The following SLC1A2 variants were observed in gnomAD, a reference collection of about 807,000 sequenced individuals.
SLC1A2 encodes solute carrier family 1 member 2.
SLC1A2 carries 15 observed loss-of-function variants against 48.8 expected under a neutral mutation model. The observed-to-expected ratio is 0.31, with a 90% confidence interval of 0.21 to 0.47. The LOEUF (loss-of-function observed/expected upper bound fraction) is 0.47, where lower values mean the gene tolerates loss of function less well. Among genes scored for constraint, SLC1A2 ranks in the 20% least tolerant of loss-of-function variants. The pLI is 0.99. For missense variants in SLC1A2, 502 were observed against 730.5 expected (o/e 0.69, Z 3.61); for synonymous variants, 279 against 272.6 (o/e 1.02, Z -0.23).
At chr11:35,360,444 G>T (rs1455465133) in intron 1 of SLC1A2, among the ~76,000 whole-genome samples, 1 of 152,108 alleles carries the variant, frequency 6.6e-6, no homozygotes, top group Non-Finnish European at 1.5e-5. Flanking sequence ...CCTTCCCTGG[G>T]TGCCTACCTT....
At chr11:35,407,402 C>A (rs969116430) in intron 1 of SLC1A2, among the ~76,000 whole-genome samples, 1 of 152,130 alleles carries the variant, frequency 6.6e-6, no homozygotes, top group Non-Finnish European at 1.5e-5. Context: ...TAATTCAAGA[C>A]CTCCTCTTCA....
chr11:35,292,885 G>A (rs1851057096), intron 6 of SLC1A2, among the ~76,000 whole-genome samples: 1 of 152,066 alleles, frequency 6.6e-6, no homozygotes, highest in Non-Finnish European at 1.5e-5. Flanking sequence ...TTCCTTCCTA[G>A]AAATTTGGGA....
At chr11:35,326,727 T>C (rs975340229) in intron 1 of SLC1A2, among the ~76,000 whole-genome samples, 36 of 152,332 alleles carry the variant, frequency 2.4e-4, no homozygotes, top group East Asian at 5.8e-4. Flanking sequence ...ACAATTCTTT[T>C]GTGAGATGAT....
chr11:35,406,507 G>A (rs906669533), intron 1 of SLC1A2, among the ~76,000 whole-genome samples: 1 of 152,084 alleles, frequency 6.6e-6, no homozygotes, highest in African/African-American at 2.4e-5. Context: ...ATCAGAGGGT[G>A]CCAGTCATCT....
In SLC1A2 at chr11:35,255,531, G is replaced by C. The variant is rs565765394; in HGVS notation, c.*5363C>G. 6.6e-6 allele frequency: 1 copy of C among 152,268 alleles called. No homozygotes were observed. The highest frequency in any genetic ancestry group is 2.4e-5 in the African/African-American group (1 of 41,464). 9.4% of individuals were successfully genotyped at this position (152,268 alleles called of 1,614,324 possible). The stretch of plus-strand genomic sequence containing the variant: ...ATTTACAAACAGTTGCCGTGATTGT[G>C]CAAGTGTTGTACCAAATTTCAAAAG... On this transcript the variant is annotated 3_prime_UTR_variant, in exon 11 of 11. Coordinates refer to ENST00000278379, the MANE Select transcript of SLC1A2 (RefSeq NM_004171.4).
intron 1 of SLC1A2, among the ~76,000 whole-genome samples, chr11:35,350,639 C>T (rs1402252563): frequency 6.6e-6 from 1 of 152,212 alleles, no homozygotes; most frequent in Non-Finnish European, 1.5e-5. Context: ...AAAGACACAG[C>T]AAGATAAGAT....
chr11:35,273,473 T>C (rs1402806936), intron 9 of SLC1A2, among the ~76,000 whole-genome samples: 1 of 152,236 alleles, frequency 6.6e-6, no homozygotes, highest in Non-Finnish European at 1.5e-5. Flanking sequence ...GTTGAGAAGA[T>C]AATAACTGCT....
chr11:35,320,945 C>T (rs1415128724), intron 1 of SLC1A2, among the ~76,000 whole-genome samples: 1 of 152,160 alleles, frequency 6.6e-6, no homozygotes, highest in Non-Finnish European at 1.5e-5. Flanking sequence ...AGTCCATTCT[C>T]ACTCTGCTAA....
intron 4 of SLC1A2, among the ~76,000 whole-genome samples, chr11:35,309,957 G>A (rs1851636242): frequency 6.6e-6 from 1 of 152,172 alleles, no homozygotes; most frequent in African/African-American, 2.4e-5. Context: ...TTGGGGTCAG[G>A]GCTGGCGTGG....
chr11:35,286,745 C>T lies in SLC1A2; in HGVS notation c.1286+12G>A, dbSNP rs1393645970. 1.2e-5 allele frequency: 20 copies of T among 1,602,172 alleles called. No individual in the cohort carries two copies. Among genetic ancestry groups the T allele is most frequent in the Admixed American group, 6.7e-5 (4 of 59,322 alleles). On this transcript the variant is annotated intron_variant, in intron 8 of 10. Coordinates refer to ENST00000278379, the MANE Select transcript of SLC1A2 (RefSeq NM_004171.4). The stretch of plus-strand genomic sequence containing the variant: ...GTAGAGGTTGTTTTGTGTTTTACCC[C>T]ACCCTTCTCACCTTACAGTCACAAT...
intron 1 of SLC1A2, chr11:35,322,846 TCCTTGAAGAATGCCAC>T (rs1852117858): frequency 3.0e-6 from 2 of 668,840 alleles, no homozygotes; most frequent in African/African-American, 3.6e-5. Context: ...TTCCCCCAGC[TCCTTGAAGAATGCCAC>T]CCCTGCTTTA....
chr11:35,411,019 T>C (rs957575629), intron 1 of SLC1A2, among the ~76,000 whole-genome samples: 2 of 152,198 alleles, frequency 1.3e-5, no homozygotes, highest in African/African-American at 4.8e-5. Context: ...CTCAGACTAA[T>C]AGATAATGAG....
At chr11:35,269,143 T>C (rs1344137042) in intron 9 of SLC1A2, among the ~76,000 whole-genome samples, 1 of 152,190 alleles carries the variant, frequency 6.6e-6, no homozygotes, top group Non-Finnish European at 1.5e-5. Context: ...AGAGACTCCT[T>C]GGCCCTTCTA....
chr11:35,314,826 TAGAC>T (rs1851821025), intron 3 of SLC1A2, among the ~76,000 whole-genome samples, 193 bp downstream of exon 3: 1 of 146,938 alleles, frequency 6.8e-6, no homozygotes, highest in Non-Finnish European at 1.5e-5. Context: ...GAAAGACAAA[TAGAC>T]TGACTAATCG....
intron 3 of SLC1A2, 79 bp from the exon 4 acceptor site, chr11:35,312,527 A>T: frequency 6.8e-7 from 1 of 1,462,394 alleles, no homozygotes; most frequent in South Asian, 1.2e-5. Flanking sequence ...CTATGACGTT[A>T]GCTTCATATT....
rs117561151 is a variant in SLC1A2, at chr11:35,326,711, C to T, written c.18-9195G>A. ...GATTTACCATGGCAGGCATTCAAAA[C>T]GCCACACAATTCTTTTGTGAGATGA... On this transcript the variant is annotated intron_variant, in intron 1 of 10. Coordinates refer to ENST00000278379, the MANE Select transcript of SLC1A2 (RefSeq NM_004171.4). Among the ~76,000 whole-genome samples, 191 of 152,302 alleles carry T rather than the reference C, an allele frequency of 1.3e-3. 2 individuals carry two copies. The highest frequency in any genetic ancestry group is 2.0e-3 in the Non-Finnish European group (136 of 68,036).
chr11:35,380,691 G>A (rs1854393193), intron 1 of SLC1A2: 3 of 299,502 alleles, frequency 1.0e-5, no homozygotes, highest in African/African-American at 6.5e-5. Context: ...GGCTGCGTGA[G>A]TTGCTGATTC....
chr11:35,364,176 T>C (rs1037684014), intron 1 of SLC1A2, among the ~76,000 whole-genome samples: 2 of 152,152 alleles, frequency 1.3e-5, no homozygotes, highest in Non-Finnish European at 2.9e-5. Flanking sequence ...GTCCAGGAGC[T>C]GGCAAGCAGC....
At chr11:35,366,974 C>G (rs1853871583) in intron 1 of SLC1A2, among the ~76,000 whole-genome samples, 1 of 152,182 alleles carries the variant, frequency 6.6e-6, no homozygotes, top group African/African-American at 2.4e-5. Context: ...GAAGCAGAAC[C>G]TGGTCAAAGC....
Sources: allele counts gnomAD v4.1 joint callset (sites outside exome capture counted in the v4.1 genomes callset), GRCh38; gene constraint gnomAD v4.1.1; transcripts MANE v1.5; gene names NCBI Gene and HGNC (gene_info 2026-07-23, HGNC 2026-07-21).